The following PTPRD variants were observed in gnomAD, a reference collection of about 807,000 sequenced individuals.
PTPRD encodes protein tyrosine phosphatase receptor type D, also known as receptor-type tyrosine-protein phosphatase delta.
In PTPRD, 34 loss-of-function variants were observed where a neutral mutation model predicts 214.5. That is an observed-to-expected ratio of 0.16 (90% CI 0.12 to 0.21). The LOEUF (loss-of-function observed/expected upper bound fraction) is 0.21, where lower values mean the gene tolerates loss of function less well. PTPRD is among the 10% of genes least tolerant of loss of function. The pLI, the probability that PTPRD is intolerant of heterozygous loss-of-function variation, is 1.00. For synonymous variants in PTPRD, 1,128 were observed against 845.7 expected (o/e 1.33, Z -5.79); for missense variants, 2,545 against 2,398.7 (o/e 1.06, Z -1.27).
intron 2 of PTPRD, among the ~76,000 whole-genome samples, chr9:10,564,168 A>ATTTTTTTTT (rs1591017043): frequency 3.4e-4 from 4 of 11,870 alleles, no homozygotes; most frequent in South Asian, 2.6e-3. Context: ...ACACTAGGCT[A>ATTTTTTTTT]TTCTTTTTTT....
chr9:10,252,288 T>C lies in PTPRD; in HGVS notation c.-545+88675A>G, dbSNP rs1209801131. Among the ~76,000 whole-genome samples, 3 of 152,210 alleles carry C rather than the reference T, an allele frequency of 2.0e-5. No individual in the cohort carries two copies. In the East Asian group the frequency reaches 5.8e-4, roughly 29 times the overall value. ...AGATCACAAAATGCAATAGTGTCTG[T>C]GTGCCACTCCTTCATCTCCATCTCT... On this transcript the variant is annotated intron_variant, in intron 3 of 45. Transcript: ENST00000381196.
rs186430685 is a variant in PTPRD, at chr9:9,029,882, G to C, written c.-142-11147C>G. On this transcript the variant is annotated intron_variant, in intron 10 of 45. Transcript: ENST00000381196. ...ATGGTTAAATTGATGAAAGACATTT[G>C]ATGACCACCTTGGTAGAATTGAATG... Among the ~76,000 whole-genome samples, 59 of 152,090 alleles carry C rather than the reference G, an allele frequency of 3.9e-4. 1 individual carries two copies. The East Asian group carries it at 9.5e-3, about 24-fold the overall frequency.
At chr9:10,470,651 G>C (rs1588924916) in intron 2 of PTPRD, among the ~76,000 whole-genome samples, 1 of 151,940 alleles carries the variant, frequency 6.6e-6, no homozygotes, top group African/African-American at 2.4e-5. Flanking sequence ...CAACATTTTT[G>C]GCTTTACCCT....
chr9:9,098,741 A>G (rs1274689210), intron 10 of PTPRD, among the ~76,000 whole-genome samples: 2 of 152,236 alleles, frequency 1.3e-5, no homozygotes, highest in East Asian at 1.9e-4. Flanking sequence ...AAATGGATAC[A>G]ACATTTTGGG....
chr9:10,376,243 G>GT (rs537639467), intron 2 of PTPRD, among the ~76,000 whole-genome samples: 22 of 149,940 alleles, frequency 1.5e-4, no homozygotes, highest in South Asian at 6.3e-4. Context: ...TATGCTACCT[G>GT]TTTTTTTTTC....
chr9:8,543,844 C>G (rs183171494), intron 14 of PTPRD, among the ~76,000 whole-genome samples: 1 of 151,756 alleles, frequency 6.6e-6, no homozygotes, highest in South Asian at 2.1e-4. Context: ...TCCCGAGTAG[C>G]TGGACTACAG....
At chr9:10,539,013 T>C (rs887892268) in intron 2 of PTPRD, among the ~76,000 whole-genome samples, 1 of 152,164 alleles carries the variant, frequency 6.6e-6, no homozygotes, top group Non-Finnish European at 1.5e-5. Flanking sequence ...GTTTTGGTAA[T>C]GGCTCTTCCC....
chr9:8,931,941 T>C (rs549456835), intron 11 of PTPRD, among the ~76,000 whole-genome samples: 152 of 152,344 alleles, frequency 1.0e-3, no homozygotes, highest in South Asian at 7.0e-3. Context: ...TGTTCTCATT[T>C]ATTTGCATAG....
intron 3 of PTPRD, among the ~76,000 whole-genome samples, chr9:10,278,939 T>C (rs2094913642): frequency 6.6e-6 from 1 of 151,864 alleles, no homozygotes; most frequent in Non-Finnish European, 1.5e-5. Context: ...CACGCCAGGC[T>C]AATTTTTTGT....
intron 7 of PTPRD, among the ~76,000 whole-genome samples, chr9:9,705,812 A>G (rs1351578322): frequency 6.6e-6 from 1 of 152,186 alleles, no homozygotes; most frequent in Non-Finnish European, 1.5e-5. Flanking sequence ...CCATTCTTGA[A>G]GTCTAATTGT....
intron 3 of PTPRD, among the ~76,000 whole-genome samples, chr9:10,172,057 T>C (rs1280912168): frequency 6.6e-6 from 1 of 152,190 alleles, no homozygotes; most frequent in Non-Finnish European, 1.5e-5. Context: ...TTTATTTCAA[T>C]GATGGAGCAA....
At chr9:9,808,092 A>T (rs2045990510) in intron 5 of PTPRD, among the ~76,000 whole-genome samples, 1 of 152,198 alleles carries the variant, frequency 6.6e-6, no homozygotes, top group Admixed American at 6.5e-5. Context: ...ATATGAGATT[A>T]TGAATCCTTG....
chr9:10,135,636 A>C (rs1027552719), intron 3 of PTPRD, among the ~76,000 whole-genome samples: 5 of 152,148 alleles, frequency 3.3e-5, no homozygotes, highest in African/African-American at 1.2e-4. Context: ...ACTAAGTTCC[A>C]CAAGTGAAGA....
intron 7 of PTPRD, among the ~76,000 whole-genome samples, chr9:9,638,856 G>A (rs772275284): frequency 6.6e-6 from 1 of 152,096 alleles, no homozygotes; most frequent in Non-Finnish European, 1.5e-5. Context: ...CCGAGATGTT[G>A]CTATGAATGC....
chr9:9,210,045 C>T (rs2099947512), intron 9 of PTPRD, among the ~76,000 whole-genome samples: 1 of 152,068 alleles, frequency 6.6e-6, no homozygotes, highest in African/African-American at 2.4e-5. Flanking sequence ...TTATAATGAG[C>T]CTTTCCAACC....
At chr9:8,850,422 G>A (rs971631526) in intron 11 of PTPRD, among the ~76,000 whole-genome samples, 11 of 152,174 alleles carry the variant, frequency 7.2e-5, no homozygotes, top group African/African-American at 2.7e-4. Context: ...AGAGTTCCAT[G>A]TTGATGAAGA....
chr9:9,722,405 T>G (rs1020134668), intron 7 of PTPRD, among the ~76,000 whole-genome samples: 1 of 152,102 alleles, frequency 6.6e-6, no homozygotes, highest in South Asian at 2.1e-4. Context: ...AGTACTTCAT[T>G]TCTTTTACTT....
intron 39 of PTPRD, among the ~76,000 whole-genome samples, chr9:8,354,552 C>T (rs976702880): frequency 6.6e-6 from 1 of 152,154 alleles, no homozygotes; most frequent in Non-Finnish European, 1.5e-5. Flanking sequence ...ACCTCAGTTT[C>T]TAATAAATTT....
chr9:10,291,029 T>C (rs1396591225), intron 3 of PTPRD, among the ~76,000 whole-genome samples: 3 of 134,356 alleles, frequency 2.2e-5, no homozygotes, highest in African/African-American at 8.6e-5. Context: ...GAATCTACAC[T>C]TTTTTTTTTT....
Sources: allele counts gnomAD v4.1 joint callset (sites outside exome capture counted in the v4.1 genomes callset), GRCh38; gene constraint gnomAD v4.1.1; transcripts MANE v1.5; gene names NCBI Gene and HGNC (gene_info 2026-07-23, HGNC 2026-07-21).